ANO4: variants seen among roughly 807,000 people sequenced by gnomAD.
ANO4 encodes anoctamin 4.
In ANO4, 69 loss-of-function variants were observed where a neutral mutation model predicts 141.9. That is an observed-to-expected ratio of 0.49 (90% CI 0.40 to 0.59). ANO4 has a LOEUF of 0.59. ANO4 is among the 20% of genes least tolerant of loss of function. The pLI is 0.00. For missense variants in ANO4, 894 were observed against 1,162.2 expected (o/e 0.77, Z 3.36); for synonymous variants, 350 against 394.3 (o/e 0.89, Z 1.33).
intron 3 of ANO4, among the ~76,000 whole-genome samples, chr12:100,783,685 GC>G (rs943605443): frequency 3.3e-5 from 5 of 152,158 alleles, no homozygotes; most frequent in African/African-American, 1.2e-4. Context: ...AGAACCATGT[GC>G]CAAGGATCTG....
chr12:100,806,696 C>T (rs1389116861), intron 1 of ANO4, among the ~76,000 whole-genome samples: 2 of 151,470 alleles, frequency 1.3e-5, no homozygotes, highest in Non-Finnish European at 2.9e-5. Context: ...AGGTGCCCAC[C>T]ACCATGCCCA....
At chr12:101,081,423 G>A (rs1459560195) in intron 15 of ANO4, among the ~76,000 whole-genome samples, 1 of 152,088 alleles carries the variant, frequency 6.6e-6, no homozygotes, top group African/African-American at 2.4e-5. Flanking sequence ...TTATAAGTGT[G>A]GAGCCTTCTG....
chr12:100,792,161 A>G (rs1057056554), upstream of ANO4, among the ~76,000 whole-genome samples: 3 of 152,038 alleles, frequency 2.0e-5, 1 homozygote, highest in Non-Finnish European at 4.4e-5. Flanking sequence ...AACTGTGTCT[A>G]CCCTGGTGTT....
chr12:101,126,985 T>C lies in ANO4; in HGVS notation c.2783T>C (p.Met928Thr). Reference sequence around the variant, plus strand: ...GAGAAGTACTTGATTCAGGAGATGATGTATGAAGCAGAACTGGAACGTCTC... The same window carrying C: ...GAGAAGTACTTGATTCAGGAGATGACGTATGAAGCAGAACTGGAACGTCTC... ...RREKYLIQEM[M>T]YEAELERLQK... Residue 928 changes from methionine (M) to threonine (T), a missense_variant, in exon 27 of 28, where the codon ATG becomes ACG. Physicochemically the swap from Met to Thr is moderately conservative, Grantham distance 81. Around this residue, in one of 2 missense-constraint regions of ANO4, gnomAD observed 637 missense variants for 909.2 expected, o/e 0.70. Transcript: ENST00000392977. 1 of 1,614,084 alleles carries C rather than the reference T, an allele frequency of 6.2e-7. No individual in the cohort carries two copies. Among genetic ancestry groups the C allele is most frequent in the Non-Finnish European group, 8.5e-7 (1 of 1,180,004 alleles).
chr12:101,038,449 A>G (rs2047284317), intron 10 of ANO4: 1 of 152,204 alleles, frequency 6.6e-6, no homozygotes, highest in South Asian at 2.1e-4. Flanking sequence ...AGATGCAGCT[A>G]CAAAGCCCCA....
chr12:101,019,246 A>AT (rs755810350), intron 8 of ANO4, among the ~76,000 whole-genome samples: 3 of 152,038 alleles, frequency 2.0e-5, no homozygotes, highest in Non-Finnish European at 2.9e-5. Flanking sequence ...ATATTCTACC[A>AT]TTTTTTGCAT....
At chr12:101,059,060 T>G (rs1254274234) in intron 14 of ANO4, among the ~76,000 whole-genome samples, 1 of 152,186 alleles carries the variant, frequency 6.6e-6, no homozygotes, top group Non-Finnish European at 1.5e-5. Context: ...TACTGAGAGT[T>G]TTTAGCATGA....
At chr12:100,768,988 T>C (rs969733636) in intron 3 of ANO4, among the ~76,000 whole-genome samples, 2 of 152,098 alleles carry the variant, frequency 1.3e-5, no homozygotes, top group African/African-American at 4.8e-5. Flanking sequence ...GCATCTAACA[T>C]GTGAAAAACC....
chr12:101,062,839 G>A (rs186798453), intron 14 of ANO4, among the ~76,000 whole-genome samples: 1 of 152,216 alleles, frequency 6.6e-6, no homozygotes, highest in Admixed American at 6.5e-5. Context: ...GGTGGGATCC[G>A]CTGAGCTAGA....
At chr12:100,993,049 C>T (rs371377770) in intron 8 of ANO4, among the ~76,000 whole-genome samples, 2 of 152,072 alleles carry the variant, frequency 1.3e-5, no homozygotes, top group African/African-American at 4.8e-5. Flanking sequence ...ACTAGCAGGG[C>T]GTGGTGGTGC....
intron 9 of ANO4, among the ~76,000 whole-genome samples, chr12:101,036,312 G>C (rs536610123): frequency 6.6e-4 from 100 of 152,208 alleles, no homozygotes; most frequent in African/African-American, 2.2e-3. Flanking sequence ...AATAAAAAAT[G>C]AACTACCGTA....
At chr12:100,760,559 T>C (rs1425243982) in intron 3 of ANO4, among the ~76,000 whole-genome samples, 1 of 152,160 alleles carries the variant, frequency 6.6e-6, no homozygotes, top group Non-Finnish European at 1.5e-5. Flanking sequence ...TCCCTAAGAC[T>C]TTTCCTGTTT....
At chr12:100,970,156 G>T (rs990540479) in intron 5 of ANO4, among the ~76,000 whole-genome samples, 1 of 152,078 alleles carries the variant, frequency 6.6e-6, no homozygotes, top group Admixed American at 6.6e-5. Context: ...ACATCTTTTG[G>T]CTCCCTTCAT....
At chr12:100,814,433 G>A (rs1052818705) in intron 1 of ANO4, among the ~76,000 whole-genome samples, 5 of 152,060 alleles carry the variant, frequency 3.3e-5, no homozygotes, top group African/African-American at 4.8e-5. Context: ...GACAACATGC[G>A]TAGAGAGCAG....
chr12:100,718,949 G>A (rs2030736663), intron 1 of ANO4, among the ~76,000 whole-genome samples: 1 of 152,096 alleles, frequency 6.6e-6, no homozygotes, highest in Admixed American at 6.5e-5. Context: ...TTTGTATGCT[G>A]CCCCATGGAT....
intron 8 of ANO4, among the ~76,000 whole-genome samples, chr12:101,011,646 G>A (rs1162964498): frequency 6.6e-6 from 1 of 152,112 alleles, no homozygotes; most frequent in Non-Finnish European, 1.5e-5. Flanking sequence ...CATTCAACAT[G>A]GGGAACAACA....
rs150432364 is a variant in ANO4 at position 100,775,218 on chromosome 12, A to T, written c.358+35113A>T. The stretch of plus-strand genomic sequence containing the variant: ...AGCACACTAAAATAGCAGTCTTTCA[A>T]ACATACAGAAAATTATTTTTTCATC... On this transcript the variant is annotated intron_variant, in intron 3 of 29. Transcript: ENST00000644049. 3.6e-3 allele frequency among the ~76,000 whole-genome samples: 552 copies of T among 152,340 alleles called. 3 individuals carry two copies. The highest frequency in any genetic ancestry group is 5.9e-3 in the Non-Finnish European group (401 of 68,028).
At chr12:100,851,544 T>G (rs1410937998) in intron 1 of ANO4, among the ~76,000 whole-genome samples, 1 of 152,226 alleles carries the variant, frequency 6.6e-6, no homozygotes, top group Non-Finnish European at 1.5e-5. Flanking sequence ...TACTAATCTT[T>G]TACTTTGTGA....
chr12:100,982,720 TA>T (rs1486184008), intron 7 of ANO4, among the ~76,000 whole-genome samples: 1 of 152,228 alleles, frequency 6.6e-6, no homozygotes. Flanking sequence ...GCAAGGTCTA[TA>T]AAACTGGAAT....
Sources: allele counts gnomAD v4.1 joint callset (sites outside exome capture counted in the v4.1 genomes callset), GRCh38; gene constraint gnomAD v4.1.1; regional missense constraint gnomAD v4.1.1; transcripts MANE v1.5; gene names NCBI Gene and HGNC (gene_info 2026-07-23, HGNC 2026-07-21).